The following ATL3 variants were observed in gnomAD, a reference collection of about 807,000 sequenced individuals.
ATL3 encodes the protein atlastin-3.
A neutral mutation model predicts 69.5 loss-of-function variants in ATL3; 49 were observed. The ratio of observed to expected loss-of-function variants is 0.71; its 90% CI spans 0.56 to 0.89. The LOEUF (loss-of-function observed/expected upper bound fraction) is 0.89, where lower values mean the gene tolerates loss of function less well. Among genes scored for constraint, ATL3 ranks in the 40% least tolerant of loss-of-function variants. The probability of loss-of-function intolerance (pLI) is 0.00; values close to 1 mark genes in which losing one functional copy is unlikely to be tolerated. For synonymous variants in ATL3, 214 were observed against 224.1 expected, an observed-to-expected ratio of 0.95 and a Z score of 0.40; for missense variants, 606 against 645.7, an observed-to-expected ratio of 0.94 and a Z score of 0.67.
rs1212496249 is a variant in ATL3 at position 63,644,154 on chromosome 11, T to C, written c.711+15A>G. 7 of 1,532,834 alleles carry C rather than the reference T, an allele frequency of 4.6e-6. No homozygotes were observed. The highest frequency in any genetic ancestry group is 6.3e-6 in the Non-Finnish European group (7 of 1,114,950). 95.0% of individuals were successfully genotyped at this position (1,532,834 alleles called of 1,614,324 possible). A position where few individuals can be genotyped will look rare whatever the true frequency, so the allele number is the denominator to read the frequency against. ...ACTTTGAGATAATTCATCAGAAGAT[T>C]ATAGTCCCACTTACCTGTAAACGCT... On this transcript the variant is annotated intron_variant, in intron 7 of 12. Transcript: ENST00000398868.
intron 5 of ATL3, among the ~76,000 whole-genome samples, chr11:63,648,626 T>C (rs1338992561): frequency 6.6e-6 from 1 of 152,144 alleles, no homozygotes; most frequent in African/African-American, 2.4e-5. Flanking sequence ...CTGGCCAACA[T>C]GGCGAAACCC....
At chr11:63,639,939 T>C (rs918479943) in intron 8 of ATL3, among the ~76,000 whole-genome samples, 3 of 152,184 alleles carry the variant, frequency 2.0e-5, no homozygotes, top group African/African-American at 7.2e-5. Flanking sequence ...CTTATCTTTT[T>C]TTTTTTGGGA....
intron 3 of ATL3, among the ~76,000 whole-genome samples, chr11:63,656,308 TATAA>T (rs1190086865): frequency 6.6e-6 from 1 of 151,634 alleles, no homozygotes; most frequent in East Asian, 1.9e-4. Flanking sequence ...AGACATACCC[TATAA>T]ATATATATAC....
chr11:63,632,142 G>T, intron 11 of ATL3: 1 of 389,006 alleles, frequency 2.6e-6, no homozygotes, highest in Non-Finnish European at 5.0e-6. Flanking sequence ...TTTTTTTCTG[G>T]AAGCCCTGCG....
intron 1 of ATL3, among the ~76,000 whole-genome samples, chr11:63,669,543 A>C (rs80148298): frequency 6.6e-6 from 1 of 151,460 alleles, no homozygotes; most frequent in African/African-American, 2.4e-5. Flanking sequence ...TCACCAGAAG[A>C]AAAAAAAAGA....
At chr11:63,668,153 T>C (rs999878725) in intron 1 of ATL3, among the ~76,000 whole-genome samples, 1 of 152,218 alleles carries the variant, frequency 6.6e-6, no homozygotes, top group Non-Finnish European at 1.5e-5. Flanking sequence ...GACCTGAGTT[T>C]TCCAGTCTCC....
At chr11:63,642,172 G>A (rs975028485) in intron 8 of ATL3, among the ~76,000 whole-genome samples, 2 of 152,138 alleles carry the variant, frequency 1.3e-5, no homozygotes, top group Non-Finnish European at 2.9e-5. Flanking sequence ...TCCACTGCTT[G>A]CCAAGCGGAT....
chr11:63,671,867 C>T (rs1940800092), upstream of ATL3: 2 of 520,204 alleles, frequency 3.8e-6, no homozygotes, highest in African/African-American at 2.1e-5. Flanking sequence ...CAGGCCGAGG[C>T]TTTATCCTGG....
chr11:63,634,852 A>G (rs960978235), intron 10 of ATL3, among the ~76,000 whole-genome samples: 1 of 151,452 alleles, frequency 6.6e-6, no homozygotes, highest in African/African-American at 2.4e-5. Context: ...CCACATCCCT[A>G]TTTTTTTCTT....
At chr11:63,638,674 C>T (rs1939597624) in intron 8 of ATL3, among the ~76,000 whole-genome samples, 1 of 151,476 alleles carries the variant, frequency 6.6e-6, no homozygotes, top group South Asian at 2.1e-4. Context: ...CACTGCACTC[C>T]AGCCTGGGCA....
intron 5 of ATL3, among the ~76,000 whole-genome samples, chr11:63,651,609 C>T (rs1033570998): frequency 5.3e-5 from 8 of 152,166 alleles, no homozygotes; most frequent in African/African-American, 1.7e-4. Flanking sequence ...CCACCGGCCT[C>T]CCTGCCATTC....
chr11:63,656,216 T>G (rs1275595920), intron 3 of ATL3, among the ~76,000 whole-genome samples: 1 of 144,718 alleles, frequency 6.9e-6, no homozygotes, highest in Non-Finnish European at 1.5e-5. Flanking sequence ...ACAGTGAGAC[T>G]CCGTCTCAAA....
Position 63,631,345 on chromosome 11 carries a change from GA to G in ATL3, c.1233del (p.Arg412ValfsTer41). On this transcript the variant is annotated frameshift_variant, in exon 12 of 13. Coordinates refer to ENST00000398868, the MANE Select transcript of ATL3 (RefSeq NM_015459.5). LOFTEE classifies it high-confidence loss of function. ...TCCTCCTCCAGCTCCTGCTGGTAAC[GA>G]AAGCTGAAATCCTTCCCACCCATCT... ...TKKMGGKDFS[F>X]RYQQELEEEI... 1 of 1,614,212 alleles carries G rather than the reference GA, an allele frequency of 6.2e-7. No homozygotes were observed. The highest frequency in any genetic ancestry group is 1.7e-5 in the Admixed American group (1 of 60,034).
chr11:63,671,726 C>T (rs1339730531), upstream of ATL3: 2 of 1,249,922 alleles, frequency 1.6e-6, no homozygotes, highest in South Asian at 1.4e-5. Flanking sequence ...ACTGCGCACT[C>T]ATCTGGGGCG....
intron 6 of ATL3, among the ~76,000 whole-genome samples, chr11:63,645,680 T>C (rs1263454732): frequency 2.0e-5 from 3 of 152,118 alleles, no homozygotes; most frequent in African/African-American, 4.8e-5. Context: ...AGCCTTGACC[T>C]CCTAGGCTTA....
In ATL3 at chr11:63,627,111, G is replaced by A. The variant is rs949929849; in HGVS notation, c.*2208C>T. The A allele has an allele frequency of 9.9e-5, 15 of 151,974 alleles. No homozygotes were observed. Among genetic ancestry groups the A allele is most frequent in the Admixed American group, 7.9e-4 (12 of 15,262 alleles). 9.4% of individuals were successfully genotyped at this position (151,974 alleles called of 1,614,324 possible). A position where few individuals can be genotyped will look rare whatever the true frequency, so the allele number is the denominator to read the frequency against. ...ACCTAATACTTTAGTATGAGTTTTCGACACATCACCCCTTCTTACCATTAA... is the reference window on the plus strand; with the variant it reads ...ACCTAATACTTTAGTATGAGTTTTCAACACATCACCCCTTCTTACCATTAA... On this transcript the variant is annotated 3_prime_UTR_variant, in exon 13 of 13. Coordinates refer to ENST00000398868, the MANE Select transcript of ATL3 (RefSeq NM_015459.5).
At chr11:63,671,166 G>A (rs1940760705) in intron 1 of ATL3, 124 bp downstream of exon 1, 3 of 1,409,818 alleles carry the variant, frequency 2.1e-6, no homozygotes, top group Admixed American at 3.3e-5. Context: ...CCCGGCGAGG[G>A]ACGCGCGGTC....
At chr11:63,635,855 A>C (rs1939497847) in intron 9 of ATL3, among the ~76,000 whole-genome samples, 1 of 149,012 alleles carries the variant, frequency 6.7e-6, no homozygotes, top group Non-Finnish European at 1.5e-5. Context: ...ACCTGTGGGC[A>C]GAGTGACCAT....
upstream of ATL3, chr11:63,671,531 G>C: frequency 7.0e-7 from 1 of 1,429,604 alleles, no homozygotes; most frequent in Non-Finnish European, 9.1e-7. Flanking sequence ...ACAGCCCGAG[G>C]CGTGGCGAGC....
Sources: allele counts gnomAD v4.1 joint callset (sites outside exome capture counted in the v4.1 genomes callset), GRCh38; gene constraint gnomAD v4.1.1; transcripts MANE v1.5; gene names NCBI Gene and HGNC (gene_info 2026-07-23, HGNC 2026-07-21).